DPP4: variants seen among roughly 807,000 people sequenced by gnomAD.
The protein encoded by DPP4 is dipeptidyl peptidase 4, also known as ADCP-2.
Under a neutral mutation model 122.4 loss-of-function variants are expected in DPP4, and 93 were observed. That is an observed-to-expected ratio of 0.76 (90% CI 0.64 to 0.90). DPP4 has a LOEUF of 0.90. Among genes scored for constraint, DPP4 ranks in the 40% least tolerant of loss-of-function variants. The pLI, the probability that DPP4 is intolerant of heterozygous loss-of-function variation, is 0.00. For synonymous variants in DPP4, 321 were observed against 302.9 expected, an observed-to-expected ratio of 1.06 and a Z score of -0.62; for missense variants, 914 against 907.3, an observed-to-expected ratio of 1.01 and a Z score of -0.09.
rs202027070 is a variant in DPP4 at position 162,016,817 on chromosome 2, A to G, written c.1518T>C (p.Asn506=). 4.2e-5 allele frequency: 68 copies of G among 1,613,216 alleles called. 1 individual carries two copies. The South Asian group carries it at 7.3e-4, about 17-fold the overall frequency. ...CCAGTTTTTTGGAGGGCATCTGGACATTCTGCAGCATTTTATCCAAAGCTG... is the reference window on the plus strand; with the variant it reads ...CCAGTTTTTTGGAGGGCATCTGGACGTTCTGCAGCATTTTATCCAAAGCTG... ...DNSALDKMLQ[N]VQMPSKKLDF... Residue 506 remains asparagine (N), a synonymous_variant, in exon 18 of 26, where the codon AAT becomes AAC. Coordinates refer to ENST00000360534, the MANE Select transcript of DPP4 (RefSeq NM_001935.4).
chr2:162,051,675 C>G (rs1339152711), intron 2 of DPP4, among the ~76,000 whole-genome samples: 1 of 152,198 alleles, frequency 6.6e-6, no homozygotes, highest in African/African-American at 2.4e-5. Context: ...AGCAAATTAA[C>G]AGCCTTGACA....
chr2:162,014,492 G>A, intron 18 of DPP4, 27 bp from the exon 19 acceptor site: 2 of 1,549,086 alleles, frequency 1.3e-6, no homozygotes, highest in South Asian at 1.2e-5. Context: ...ATTAATTAGT[G>A]AGGTAAGAAA....
At chr2:162,028,450 G>C (rs1683422587) in intron 10 of DPP4, among the ~76,000 whole-genome samples, 1 of 152,164 alleles carries the variant, frequency 6.6e-6, no homozygotes, top group African/African-American at 2.4e-5. Flanking sequence ...CAACCAGCAG[G>C]ATTATCATCT....
Position 162,044,429 on chromosome 2 carries a change from G to T in DPP4, c.366+1103C>A, listed in dbSNP as rs3788978. Among the ~76,000 whole-genome samples, 1,061 of 148,940 alleles carry T rather than the reference G, an allele frequency of 7.1e-3. 10 individuals carry two copies. Among genetic ancestry groups the T allele is most frequent in the East Asian group, 0.045 (228 of 5,078 alleles). ...GAGTGTTGGTGTGTGAGTGTTGGTG[G>T]GTGAGTGTTGGTGTGTGAGCGTTGG... On this transcript the variant is annotated intron_variant, in intron 5 of 25. Coordinates refer to ENST00000360534, the MANE Select transcript of DPP4 (RefSeq NM_001935.4).
intron 2 of DPP4, among the ~76,000 whole-genome samples, chr2:162,072,361 C>T (rs1322320430): frequency 1.3e-5 from 2 of 152,216 alleles, no homozygotes; most frequent in Non-Finnish European, 2.9e-5. Flanking sequence ...GTAGCAACCA[C>T]TGGTTTCTTC....
Position 162,042,882 on chromosome 2 carries a change from C to T in DPP4, c.366+2650G>A, listed in dbSNP as rs1044342672. Among the ~76,000 whole-genome samples, 8 of 152,172 alleles carry T rather than the reference C, an allele frequency of 5.3e-5. No homozygotes were observed. The South Asian group carries it at 1.2e-3, about 24-fold the overall frequency. Reference sequence around the variant, plus strand: ...TTGTGATGAAACTAAAATGGGTTAACGTGACAGAGACTGATTTGTGGGGTG... The same window carrying T: ...TTGTGATGAAACTAAAATGGGTTAATGTGACAGAGACTGATTTGTGGGGTG... On this transcript the variant is annotated intron_variant, in intron 5 of 25. Transcript: ENST00000360534.
At chr2:162,004,334 A>G (rs535406805) in intron 23 of DPP4, among the ~76,000 whole-genome samples, 13 of 152,320 alleles carry the variant, frequency 8.5e-5, no homozygotes, top group African/African-American at 3.1e-4. Flanking sequence ...CAATGTGGTT[A>G]TGAAGAAGGA....
In DPP4 at chr2:162,074,061, T is replaced by C; in HGVS notation, c.-80A>G. 6.4e-7 allele frequency: 1 copy of C among 1,562,452 alleles called. No individual in the cohort carries two copies. The highest frequency in any genetic ancestry group is 2.3e-5 in the East Asian group (1 of 42,944). ...CCGCGGGCGGCGGAGACGCGCGTCCTGCACCGCTGCTCCGGGCGGTGGAGT... is the reference window on the plus strand; with the variant it reads ...CCGCGGGCGGCGGAGACGCGCGTCCCGCACCGCTGCTCCGGGCGGTGGAGT... On this transcript the variant is annotated 5_prime_UTR_variant, in exon 1 of 26. Coordinates refer to ENST00000360534, the MANE Select transcript of DPP4 (RefSeq NM_001935.4).
intron 22 of DPP4, among the ~76,000 whole-genome samples, chr2:162,006,210 T>G (rs950171937): frequency 6.6e-6 from 1 of 152,190 alleles, no homozygotes; most frequent in African/African-American, 2.4e-5. Flanking sequence ...AACATTATCA[T>G]ATGACCCTCT....
chr2:162,008,255 C>T (rs1239404320), intron 22 of DPP4, among the ~76,000 whole-genome samples: 1 of 151,908 alleles, frequency 6.6e-6, no homozygotes, highest in African/African-American at 2.4e-5. Flanking sequence ...ATGTGAAACC[C>T]AAGAATCAAA....
At chr2:162,012,283 T>A (rs1192869972) in intron 19 of DPP4, among the ~76,000 whole-genome samples, 1 of 152,116 alleles carries the variant, frequency 6.6e-6, no homozygotes, top group Non-Finnish European at 1.5e-5. Context: ...AAAGAAATAA[T>A]TTCTCTAATA....
chr2:162,016,999 T>A, intron 17 of DPP4, 109 bp downstream of exon 17: 1 of 1,424,740 alleles, frequency 7.0e-7, no homozygotes, highest in Non-Finnish European at 9.7e-7. Flanking sequence ...TGTGTTCAAC[T>A]CATTGTCAAG....
At position 162,046,950 on chromosome 2, in the gene DPP4, C is replaced by T. The variant is rs199929717; in HGVS notation, c.250G>A (p.Gly84Arg). 75 of 1,596,876 alleles carry T rather than the reference C, an allele frequency of 4.7e-5. 3 individuals carry two copies. In the South Asian group the frequency reaches 7.8e-4, roughly 17 times the overall value. Residue 84 changes from glycine (G) to arginine (R), a missense_variant, in exon 4 of 26, where the codon GGA (glycine) becomes AGA (arginine). Transcript: ENST00000360534. The part of the protein sequence containing the change: ...NNILVFNAEY[G>R]NSSVFLENST... ...TTCTCCAAGAAAACTGAGCTGTTTC[C>T]ATATTCAGCATTGAATACCAAGATA...
At chr2:162,042,266 A>T (rs1334720137) in intron 5 of DPP4, among the ~76,000 whole-genome samples, 2 of 152,238 alleles carry the variant, frequency 1.3e-5, no homozygotes, top group Non-Finnish European at 2.9e-5. Context: ...AGAAGCACTT[A>T]GCAGGGTTCT....
rs1473728202 is a variant in DPP4, at chr2:162,029,144, T to G, written c.888-4205A>C. Among the ~76,000 whole-genome samples, 15 of 152,234 alleles carry G rather than the reference T, an allele frequency of 9.9e-5. 1 individual carries two copies. Among genetic ancestry groups the G allele is most frequent in the Admixed American group, 9.8e-4 (15 of 15,286 alleles). ...GAAAATCACACAACAGAGAATCCCC[T>G]TGTAAAGTGACCACCTGTCCCAGCA... On this transcript the variant is annotated intron_variant, in intron 10 of 25. Transcript: ENST00000360534.
Position 162,033,585 on chromosome 2 carries a change from A to T in DPP4, c.843T>A (p.Asn281Lys). The change falls in exon 10 of 26, where the codon AAT becomes AAA. Residue 281 changes from asparagine (N) to lysine (K), a missense_variant. Coordinates refer to ENST00000360534, the MANE Select transcript of DPP4 (RefSeq NM_001935.4). ...GAGCAGTGATTTGTATGGAAGTTGCATTGGTGACTGAGCTGAGAGAGTCTG... is the reference window on the plus strand; with the variant it reads ...GAGCAGTGATTTGTATGGAAGTTGCTTTGGTGACTGAGCTGAGAGAGTCTG... ...VNTDSLSSVT[N>K]ATSIQITAPA... The T allele has an allele frequency of 6.2e-7, 1 of 1,613,426 alleles. No homozygotes were observed. Among genetic ancestry groups the T allele is most frequent in the Non-Finnish European group, 8.5e-7 (1 of 1,179,728 alleles).
At chr2:162,034,086 GC>G (rs1683676798) in intron 9 of DPP4, among the ~76,000 whole-genome samples, 2 of 151,876 alleles carry the variant, frequency 1.3e-5, no homozygotes, top group Admixed American at 1.3e-4. Flanking sequence ...CTTGGGTTCT[GC>G]CAAAGACACC....
chr2:162,042,836 A>G (rs1684034258), intron 5 of DPP4, among the ~76,000 whole-genome samples: 1 of 152,202 alleles, frequency 6.6e-6, no homozygotes, highest in South Asian at 2.1e-4. Context: ...AAAGAAATCA[A>G]TGACAAAATA....
intron 20 of DPP4, among the ~76,000 whole-genome samples, 153 bp downstream of exon 20, chr2:162,011,640 C>A (rs930465944): frequency 3.3e-5 from 5 of 151,910 alleles, no homozygotes; most frequent in African/African-American, 1.2e-4. Context: ...GTTATTTAAA[C>A]ATAACATCTT....
Sources: allele counts gnomAD v4.1 joint callset (sites outside exome capture counted in the v4.1 genomes callset), GRCh38; gene constraint gnomAD v4.1.1; transcripts MANE v1.5; gene names NCBI Gene and HGNC (gene_info 2026-07-23, HGNC 2026-07-21).